Variants in PPP1R2B observed in about 807,000 individuals in gnomAD.
The protein encoded by PPP1R2B is protein phosphatase inhibitor 2 family member B.
In PPP1R2B, 13 loss-of-function variants were observed where a neutral mutation model predicts 17.6. The observed-to-expected ratio is 0.74, with a 90% CI of 0.48 to 1.17. PPP1R2B has a LOEUF of 1.17. PPP1R2B is among the 50% of genes most tolerant of loss of function. The pLI is 0.00. For synonymous variants in PPP1R2B, 105 were observed against 95.4 expected (o/e 1.10, Z -0.59); for missense variants, 230 against 252.4 (o/e 0.91, Z 0.60).
rs1256290244 is a variant in PPP1R2B, at chr5:156,851,286, A to G, written c.*106A>G. 5 of 865,036 alleles carry G rather than the reference A, an allele frequency of 5.8e-6. No individual in the cohort carries two copies. The highest frequency in any genetic ancestry group is 2.2e-4 in the Middle Eastern group (1 of 4,576). 53.6% of individuals were successfully genotyped at this position (865,036 alleles called of 1,614,324 possible). A position where few individuals can be genotyped will look rare whatever the true frequency, so the allele number is the denominator to read the frequency against. Reference sequence around the variant, plus strand: ...TCATGACTTAAGTACCAAAATGCATACCAGTTATTATATATTGCCAAGAAT... The same window carrying G: ...TCATGACTTAAGTACCAAAATGCATGCCAGTTATTATATATTGCCAAGAAT... On this transcript the variant is annotated 3_prime_UTR_variant, in exon 1 of 1. Transcript: ENST00000522232.
In PPP1R2B at chr5:156,850,393, C is replaced by T. The variant is rs1758460523; in HGVS notation, c.-170C>T. On this transcript the variant is annotated 5_prime_UTR_variant, in exon 1 of 1. Coordinates refer to ENST00000522232, the MANE Select transcript of PPP1R2B (RefSeq NM_206858.3). ...ACCCATTCGGCGTTGGCTCTGGCGT[C>T]GGGGTCGTTGTGACAACCGCTCCAG... 13 of 773,064 alleles carry T rather than the reference C, an allele frequency of 1.7e-5. No individual in the cohort carries two copies. Among genetic ancestry groups the T allele is most frequent in the East Asian group, 1.6e-4 (6 of 36,954 alleles). The allele number at this position is 773,064 out of a possible 1,614,324, so 47.9% of individuals were successfully genotyped here.
chr5:156,851,160 A>G lies in PPP1R2B; in HGVS notation c.598A>G (p.Asn200Asp), dbSNP rs1388885132. Reference protein sequence around the residue: ...QGSTPSDQQQNKLRSS With the variant: ...QGSTPSDQQQDKLRSS ...ATCTACTCCAAGTGACCAACAGCAA[A>G]ACAAATTACGAAGTTCATAGAAGAG... Residue 200 changes from asparagine to aspartate, a missense_variant, in exon 1 of 1, where the codon AAC becomes GAC. Physicochemically the swap from Asn to Asp is conservative, Grantham distance 23. Transcript: ENST00000522232. 1 of 1,574,342 alleles carries G rather than the reference A, an allele frequency of 6.4e-7. No homozygotes were observed. Among genetic ancestry groups the G allele is most frequent in the Admixed American group, 1.7e-5 (1 of 59,974 alleles).
At position 156,850,403 on chromosome 5, in the gene PPP1R2B, G is replaced by A. The variant is rs1758460634; in HGVS notation, c.-160G>A. The A allele has an allele frequency of 1.1e-6, 1 of 877,658 alleles. No individual in the cohort carries two copies. Among genetic ancestry groups the A allele is most frequent in the Non-Finnish European group, 1.7e-6 (1 of 583,566 alleles). The allele number at this position is 877,658 out of a possible 1,614,324, so 54.4% of individuals were successfully genotyped here. A position where few individuals can be genotyped will look rare whatever the true frequency, so the allele number is the denominator to read the frequency against. Reference sequence around the variant, plus strand: ...CGTTGGCTCTGGCGTCGGGGTCGTTGTGACAACCGCTCCAGTAGCCGTTTC... The same window carrying A: ...CGTTGGCTCTGGCGTCGGGGTCGTTATGACAACCGCTCCAGTAGCCGTTTC... On this transcript the variant is annotated 5_prime_UTR_variant, in exon 1 of 1. In the 5' UTR this introduces an upstream ATG that the reference lacks. Coordinates refer to ENST00000522232, the MANE Select transcript of PPP1R2B (RefSeq NM_206858.3).
Position 156,850,816 on chromosome 5 carries a change from C to A in PPP1R2B, c.254C>A (p.Ala85Glu). ...YHSMMGDDED[A>E]CRDTETTEAM... is the part of the protein sequence containing the mutation. Reference sequence around the variant, plus strand: ...AGTATGATGGGTGATGATGAAGATGCGTGTAGGGACACCGAGACCACTGAA... The same window carrying A: ...AGTATGATGGGTGATGATGAAGATGAGTGTAGGGACACCGAGACCACTGAA... The change falls in exon 1 of 1, where the codon GCG becomes GAG. Residue 85 changes from alanine (A) to glutamate (E), a missense_variant. Transcript: ENST00000522232. 2 of 1,498,214 alleles carry A rather than the reference C, an allele frequency of 1.3e-6. No homozygotes were observed. Among genetic ancestry groups the A allele is most frequent in the Non-Finnish European group, 1.9e-6 (2 of 1,075,100 alleles). The allele number at this position is 1,498,214 out of a possible 1,614,324, so 92.8% of individuals were successfully genotyped here. A position where few individuals can be genotyped will look rare whatever the true frequency, so the allele number is the denominator to read the frequency against.
rs575215070 is a variant in PPP1R2B at position 156,850,373 on chromosome 5, T to C, written c.-190T>C. Among the ~76,000 whole-genome samples the C allele has an allele frequency of 1.1e-4, 17 of 151,674 alleles. No individual in the cohort carries two copies. In the South Asian group the frequency reaches 3.5e-3, roughly 32 times the overall value. On this transcript the variant is annotated 5_prime_UTR_variant, in exon 1 of 1. Coordinates refer to ENST00000522232, the MANE Select transcript of PPP1R2B (RefSeq NM_206858.3). Reference sequence around the variant, plus strand: ...ATGGTGCGCGAGGAGCCGCCACCCATTCGGCGTTGGCTCTGGCGTCGGGGT... The same window carrying C: ...ATGGTGCGCGAGGAGCCGCCACCCACTCGGCGTTGGCTCTGGCGTCGGGGT...
rs759546508 is a variant in PPP1R2B, at chr5:156,851,028, C to A, written c.466C>A (p.Leu156Ile). ...CTACAATGAAGGACTCAATATCAAA[C>A]TAGCCAGACAATTAATTTCAAAAGA... The part of the protein sequence containing the change: ...LHYNEGLNIK[L>I]ARQLISKDLH... The change falls in exon 1 of 1, where the codon CTA becomes ATA. Residue 156 changes from leucine to isoleucine, a missense_variant. Coordinates refer to ENST00000522232, the MANE Select transcript of PPP1R2B (RefSeq NM_206858.3). The A allele has an allele frequency of 7.4e-6, 12 of 1,613,126 alleles. No homozygotes were observed. In the South Asian group the frequency reaches 1.2e-4, roughly 16 times the overall value.
At position 156,851,354 on chromosome 5, in the gene PPP1R2B, T is replaced by C; in HGVS notation, c.*174T>C. The C allele has an allele frequency of 6.3e-6, 4 of 630,398 alleles. No individual in the cohort carries two copies. The highest frequency in any genetic ancestry group is 1.1e-5 in the Non-Finnish European group (4 of 359,970). The allele number at this position is 630,398 out of a possible 1,614,324, so 39.1% of individuals were successfully genotyped here. ...GACTAATTAGACTGAAAATGCCTAA[T>C]TGATATATATATTCTTATGCCTAGT... On this transcript the variant is annotated 3_prime_UTR_variant, in exon 1 of 1. Coordinates refer to ENST00000522232, the MANE Select transcript of PPP1R2B (RefSeq NM_206858.3).
chr5:156,851,402 A>G lies in PPP1R2B; in HGVS notation c.*222A>G, dbSNP rs192625122. The G allele has an allele frequency of 9.0e-5, 54 of 600,470 alleles. No homozygotes were observed. In the African/African-American group the frequency reaches 9.1e-4, roughly 10 times the overall value. The allele number at this position is 600,470 out of a possible 1,614,324, so 37.2% of individuals were successfully genotyped here. A position where few individuals can be genotyped will look rare whatever the true frequency, so the allele number is the denominator to read the frequency against. Reference sequence around the variant, plus strand: ...AGTACTTTACCACAAATACAGTGTAATATCATCAGTCCAAAACTGCATTAC... The same window carrying G: ...AGTACTTTACCACAAATACAGTGTAGTATCATCAGTCCAAAACTGCATTAC... On this transcript the variant is annotated 3_prime_UTR_variant, in exon 1 of 1. Coordinates refer to ENST00000522232, the MANE Select transcript of PPP1R2B (RefSeq NM_206858.3).
At position 156,851,122 on chromosome 5, in the gene PPP1R2B, A is replaced by G. The variant is rs1200365938; in HGVS notation, c.560A>G (p.Glu187Gly). 23 of 1,592,498 alleles carry G rather than the reference A, an allele frequency of 1.4e-5. No homozygotes were observed. Among genetic ancestry groups the G allele is most frequent in the Non-Finnish European group, 2.0e-5 (23 of 1,160,418 alleles). ...GATGGAGAAAGCATGAATACGGAAG[A>G]ATCAAATCAAGGATCTACTCCAAGT... is the stretch of plus-strand genomic sequence containing the variant. ...TADGESMNTE[E>G]SNQGSTPSDQ... Residue 187 changes from glutamate to glycine, a missense_variant, in exon 1 of 1, where the codon GAA becomes GGA. Coordinates refer to ENST00000522232, the MANE Select transcript of PPP1R2B (RefSeq NM_206858.3).
In PPP1R2B at chr5:156,850,342, C is replaced by G. The variant is rs1297319136; in HGVS notation, c.-221C>G. 6.6e-6 allele frequency among the ~76,000 whole-genome samples: 1 copy of G among 151,126 alleles called. No homozygotes were observed. Among genetic ancestry groups the G allele is most frequent in the Admixed American group, 6.6e-5 (1 of 15,122 alleles). ...CCGCGAGCCGCGGGTCAAGTGCCGGCGGCTAATGGTGCGCGAGGAGCCGCC... is the reference window on the plus strand; with the variant it reads ...CCGCGAGCCGCGGGTCAAGTGCCGGGGGCTAATGGTGCGCGAGGAGCCGCC... On this transcript the variant is annotated 5_prime_UTR_variant, in exon 1 of 1. Coordinates refer to ENST00000522232, the MANE Select transcript of PPP1R2B (RefSeq NM_206858.3).
chr5:156,850,600 G>A lies in PPP1R2B; in HGVS notation c.38G>A (p.Gly13Glu). The A allele has an allele frequency of 1.3e-6, 2 of 1,597,456 alleles. No homozygotes were observed. Among genetic ancestry groups the A allele is most frequent in the South Asian group, 1.1e-5 (1 of 89,212 alleles). Residue 13 changes from glycine (G) to glutamate (E), a missense_variant, in exon 1 of 1, where the codon GGG becomes GAG. Coordinates refer to ENST00000522232, the MANE Select transcript of PPP1R2B (RefSeq NM_206858.3). ...ASTASHRPIK[G>E]ILKNKTSTTS... ...ACGGCCTCCCACCGGCCCATCAAGG[G>A]GATCTTGAAGAACAAGACCTCTACG... is the stretch of plus-strand genomic sequence containing the variant.
chr5:156,850,492 T>G lies in PPP1R2B; in HGVS notation c.-71T>G. 6.5e-7 allele frequency: 1 copy of G among 1,540,000 alleles called. No homozygotes were observed. The highest frequency in any genetic ancestry group is 8.8e-7 in the Non-Finnish European group (1 of 1,139,836). On this transcript the variant is annotated 5_prime_UTR_variant, in exon 1 of 1. Transcript: ENST00000522232. ...TCTGCGGCTGCCTGCGAGTCTCTGC[T>G]GTGCCGACCCTTCTCTTCGCGGACC...
In PPP1R2B at chr5:156,852,084, C is replaced by T. The variant is rs1758488717; in HGVS notation, c.*904C>T. The T allele has an allele frequency of 6.6e-6, 1 of 152,112 alleles. No individual in the cohort carries two copies. The highest frequency in any genetic ancestry group is 1.5e-5 in the Non-Finnish European group (1 of 67,984). The allele number at this position is 152,112 out of a possible 1,614,324, so 9.4% of individuals were successfully genotyped here. A position where few individuals can be genotyped will look rare whatever the true frequency, so the allele number is the denominator to read the frequency against. On this transcript the variant is annotated 3_prime_UTR_variant, in exon 1 of 1. Transcript: ENST00000522232. ...ATTAGGAACTCTTTCTGTCACTCTT[C>T]TGTCATTTGCTGCTGTGTGGAAATT...
rs578225283 is a variant in PPP1R2B at position 156,851,667 on chromosome 5, T to A, written c.*487T>A. ...ACACTTCTCTTCAACTTGATTTGTC[T>A]GTTTAATTGAAAAGAATTGTAAGAG... On this transcript the variant is annotated 3_prime_UTR_variant, in exon 1 of 1. Transcript: ENST00000522232. The A allele has an allele frequency of 2.5e-4, 39 of 157,574 alleles. No individual in the cohort carries two copies. Among genetic ancestry groups the A allele is most frequent in the Non-Finnish European group, 5.0e-4 (36 of 71,468 alleles). The allele number at this position is 157,574 out of a possible 1,614,324, so 9.8% of individuals were successfully genotyped here.
Position 156,851,871 on chromosome 5 carries a change from G to C in PPP1R2B, c.*691G>C, listed in dbSNP as rs1047060145. 6.6e-6 allele frequency: 1 copy of C among 152,662 alleles called. No homozygotes were observed. The highest frequency in any genetic ancestry group is 1.9e-4 in the East Asian group (1 of 5,188). 9.5% of individuals were successfully genotyped at this position (152,662 alleles called of 1,614,324 possible). ...TTTGGCAGGGGGTTTGTTTGTTTTT[G>C]TTTTTTAATGTTTTTGGTACACTGG... On this transcript the variant is annotated 3_prime_UTR_variant, in exon 1 of 1. Transcript: ENST00000522232.
Position 156,850,824 on chromosome 5 carries a change from G to C in PPP1R2B, c.262G>C (p.Asp88His). The C allele has an allele frequency of 6.6e-7, 1 of 1,516,954 alleles. No individual in the cohort carries two copies. Among genetic ancestry groups the C allele is most frequent in the Non-Finnish European group, 9.2e-7 (1 of 1,092,226 alleles). 94.0% of individuals were successfully genotyped at this position (1,516,954 alleles called of 1,614,324 possible). A position where few individuals can be genotyped will look rare whatever the true frequency, so the allele number is the denominator to read the frequency against. The change falls in exon 1 of 1, where the codon GAC becomes CAC. Residue 88 changes from aspartate to histidine, a missense_variant. Physicochemically the swap from Asp to His is moderately conservative, Grantham distance 81. Coordinates refer to ENST00000522232, the MANE Select transcript of PPP1R2B (RefSeq NM_206858.3). ...MMGDDEDACR[D>H]TETTEAMAPD... is the part of the protein sequence containing the mutation. ...GGGTGATGATGAAGATGCGTGTAGG[G>C]ACACCGAGACCACTGAAGCCATGGC...
In PPP1R2B at chr5:156,851,459, A is replaced by G. The variant is rs1758479956; in HGVS notation, c.*279A>G. Reference sequence around the variant, plus strand: ...AAGAACACTGGTTAATTTGTATAAGATATTATAGAGCTTTTTATGCTTTAG... The same window carrying G: ...AAGAACACTGGTTAATTTGTATAAGGTATTATAGAGCTTTTTATGCTTTAG... On this transcript the variant is annotated 3_prime_UTR_variant, in exon 1 of 1. Coordinates refer to ENST00000522232, the MANE Select transcript of PPP1R2B (RefSeq NM_206858.3). The G allele has an allele frequency of 6.0e-6, 3 of 503,690 alleles. No individual in the cohort carries two copies. Among genetic ancestry groups the G allele is most frequent in the Non-Finnish European group, 1.0e-5 (3 of 288,668 alleles). The allele number at this position is 503,690 out of a possible 1,614,324, so 31.2% of individuals were successfully genotyped here. A position where few individuals can be genotyped will look rare whatever the true frequency, so the allele number is the denominator to read the frequency against.
chr5:156,850,749 T>A lies in PPP1R2B; in HGVS notation c.187T>A (p.Tyr63Asn), dbSNP rs186279914. 1.6e-4 allele frequency: 244 copies of A among 1,523,700 alleles called. 1 individual carries two copies. In the East Asian group the frequency reaches 4.8e-3, roughly 30 times the overall value. The allele number at this position is 1,523,700 out of a possible 1,614,324, so 94.4% of individuals were successfully genotyped here. The part of the protein sequence containing the change: ...LATYHPADKG[Y>N]GLMKIDEPSP... ...GACCTATCATCCAGCAGACAAAGGC[T>A]ATGGTTTAATGAAAATAGATGAACC... is the stretch of plus-strand genomic sequence containing the variant. Residue 63 changes from tyrosine (Y) to asparagine (N), a missense_variant, in exon 1 of 1, where the codon TAT becomes AAT. Coordinates refer to ENST00000522232, the MANE Select transcript of PPP1R2B (RefSeq NM_206858.3).
rs902901860 is a variant in PPP1R2B at position 156,852,455 on chromosome 5, C to A, written c.*1275C>A. 4 of 152,012 alleles carry A rather than the reference C, an allele frequency of 2.6e-5. No homozygotes were observed. The East Asian group carries it at 7.7e-4, about 29-fold the overall frequency. 9.4% of individuals were successfully genotyped at this position (152,012 alleles called of 1,614,324 possible). ...GGGAATATGATAATGTATACTATGA[C>A]AAATGTACTTTATTCCTCTAACGCA... On this transcript the variant is annotated 3_prime_UTR_variant, in exon 1 of 1. Coordinates refer to ENST00000522232, the MANE Select transcript of PPP1R2B (RefSeq NM_206858.3).
Sources: gnomAD v4.1 joint callset for allele counts (sites outside exome capture counted in the v4.1 genomes callset) on GRCh38, gnomAD v4.1.1 for gene constraint, MANE v1.5 for transcripts, NCBI Gene and HGNC (gene_info 2026-07-23, HGNC 2026-07-21) for gene names.